The following FHIT variants were observed in gnomAD, a reference collection of about 807,000 sequenced individuals.
FHIT encodes the protein fragile histidine triad diadenosine triphosphatase, also known as bis(5'-adenosyl)-triphosphatase.
In FHIT, 19 loss-of-function variants were observed where a neutral mutation model predicts 17.9. The observed-to-expected ratio is 1.06, with a 90% CI of 0.74 to 1.56. The LOEUF is 1.56. Among genes scored for constraint, FHIT ranks in the 40% most tolerant of loss-of-function variants. The probability of loss-of-function intolerance (pLI) is 0.00; values close to 1 mark genes in which losing one functional copy is unlikely to be tolerated. For missense variants in FHIT, 248 were observed against 189.2 expected (o/e 1.31, Z -1.82); for synonymous variants, 81 against 69.7 (o/e 1.16, Z -0.81).
chr3:59,863,329 T>C (rs998074852), intron 8 of FHIT, among the ~76,000 whole-genome samples: 3 of 152,224 alleles, frequency 2.0e-5, no homozygotes, highest in South Asian at 2.1e-4. Context: ...CTCTAAATTA[T>C]TGGTGGTTTG....
At chr3:61,111,076 C>A (rs533353987) in intron 2 of FHIT, among the ~76,000 whole-genome samples, 2 of 152,282 alleles carry the variant, frequency 1.3e-5, no homozygotes, top group Non-Finnish European at 2.9e-5. Context: ...TACATTAGTG[C>A]AGAATAAGCT....
chr3:60,643,657 AC>A (rs1232392110), intron 4 of FHIT, among the ~76,000 whole-genome samples: 7 of 152,092 alleles, frequency 4.6e-5, no homozygotes, highest in Non-Finnish European at 8.8e-5. Flanking sequence ...ATATGTCAAA[AC>A]TTTCTCCAGC....
chr3:59,981,220 A>T (rs1335823008), intron 7 of FHIT, among the ~76,000 whole-genome samples: 1 of 152,176 alleles, frequency 6.6e-6, no homozygotes, highest in Non-Finnish European at 1.5e-5. Context: ...TATGCTTTAG[A>T]TTATTCCTGA....
At chr3:60,456,904 C>T (rs2032131179) in intron 5 of FHIT, among the ~76,000 whole-genome samples, 1 of 152,226 alleles carries the variant, frequency 6.6e-6, no homozygotes, top group Non-Finnish European at 1.5e-5. Context: ...AGGAGAACTA[C>T]AAACCACTGC....
chr3:60,593,295 A>T (rs570499127), intron 4 of FHIT, among the ~76,000 whole-genome samples: 2 of 152,324 alleles, frequency 1.3e-5, no homozygotes, highest in South Asian at 4.1e-4. Flanking sequence ...AAAAAGTATT[A>T]CTGTAGATTG....
chr3:60,501,385 T>C (rs1285128112), intron 5 of FHIT, among the ~76,000 whole-genome samples: 1 of 152,228 alleles, frequency 6.6e-6, no homozygotes, highest in East Asian at 1.9e-4. Context: ...TCCCCTGTAA[T>C]ACTCAGTTCT....
Position 60,843,586 on chromosome 3 carries a change from A to G in FHIT, c.-110-21575T>C, listed in dbSNP as rs1702815361. Among the ~76,000 whole-genome samples, 6 of 152,202 alleles carry G rather than the reference A, an allele frequency of 3.9e-5. No individual in the cohort carries two copies. The South Asian group carries it at 1.2e-3, about 31-fold the overall frequency. On this transcript the variant is annotated intron_variant, in intron 3 of 9. Transcript: ENST00000492590. ...TTGAAACTTTTGAGCATTTGCTCCC[A>G]AAGTGAAATTTAAAAGGCTAACAGC... is the stretch of plus-strand genomic sequence containing the variant.
At chr3:59,945,059 G>T (rs1706732206) in intron 7 of FHIT, among the ~76,000 whole-genome samples, 1 of 152,030 alleles carries the variant, frequency 6.6e-6, no homozygotes, top group South Asian at 2.1e-4. Flanking sequence ...GGGATTGCTG[G>T]GCTGAATAGT....
intron 5 of FHIT, among the ~76,000 whole-genome samples, chr3:60,319,448 G>A (rs62248497): frequency 2.9e-4 from 44 of 150,004 alleles, no homozygotes; most frequent in Admixed American, 1.1e-3. Context: ...ATGTTTTTAA[G>A]GGAAAAAAAA....
chr3:60,430,594 A>T (rs1225761608), intron 5 of FHIT, among the ~76,000 whole-genome samples: 2 of 151,936 alleles, frequency 1.3e-5, no homozygotes, highest in Non-Finnish European at 2.9e-5. Context: ...ATTCTCTTAT[A>T]TCATTCTCTC....
chr3:59,898,013 C>T (rs894004761), intron 8 of FHIT, among the ~76,000 whole-genome samples: 4 of 152,166 alleles, frequency 2.6e-5, no homozygotes, highest in Non-Finnish European at 4.4e-5. Context: ...GTGATCTGCC[C>T]GCCTTGGCCT....
At chr3:61,070,742 A>G (rs1347936694) in intron 2 of FHIT, among the ~76,000 whole-genome samples, 1 of 152,118 alleles carries the variant, frequency 6.6e-6, no homozygotes, top group Non-Finnish European at 1.5e-5. Flanking sequence ...ATTTTCTTTG[A>G]CATGCTATAT....
At chr3:60,477,079 T>C (rs1475509917) in intron 5 of FHIT, among the ~76,000 whole-genome samples, 2 of 152,020 alleles carry the variant, frequency 1.3e-5, no homozygotes, top group African/African-American at 4.8e-5. Flanking sequence ...TATTATAATA[T>C]CATATTCAAA....
chr3:59,836,923 TG>T (rs1701358981), intron 8 of FHIT, among the ~76,000 whole-genome samples: 1 of 152,216 alleles, frequency 6.6e-6, no homozygotes, highest in Non-Finnish European at 1.5e-5. Flanking sequence ...TACCTTCGCA[TG>T]GTAAGATTTG....
intron 4 of FHIT, among the ~76,000 whole-genome samples, chr3:60,801,178 GA>G (rs782211990): frequency 5.3e-5 from 8 of 152,186 alleles, no homozygotes; most frequent in Non-Finnish European, 7.4e-5. Context: ...AGGCATGGAA[GA>G]GATTATTTAT....
chr3:61,224,380 A>G (rs1225607498), intron 1 of FHIT, among the ~76,000 whole-genome samples: 5 of 152,208 alleles, frequency 3.3e-5, no homozygotes, highest in Non-Finnish European at 7.3e-5. Context: ...GACTAGACCC[A>G]AAATGGTAAC....
intron 7 of FHIT, among the ~76,000 whole-genome samples, chr3:59,979,056 G>A (rs867979905): frequency 6.6e-6 from 1 of 152,126 alleles, no homozygotes; most frequent in African/African-American, 2.4e-5. Context: ...CTGTGAAATT[G>A]TTAGGGTGCT....
At chr3:60,130,784 G>GTAAACACATATATATGTGTGTGT (rs148356992) in intron 5 of FHIT, among the ~76,000 whole-genome samples, 1 of 111,628 alleles carries the variant, frequency 9.0e-6, no homozygotes. Flanking sequence ...GTGTGTGTGT[G>GTAAACACATATATATGTGTGTGT]GTGTGTATAT....
At chr3:60,459,877 T>C (rs1304943031) in intron 5 of FHIT, among the ~76,000 whole-genome samples, 3 of 152,004 alleles carry the variant, frequency 2.0e-5, no homozygotes, top group East Asian at 1.9e-4. Context: ...TATATTGGGG[T>C]TGGGGAGGTG....
Sources: gnomAD v4.1 joint callset for allele counts (sites outside exome capture counted in the v4.1 genomes callset) on GRCh38, gnomAD v4.1.1 for gene constraint, MANE v1.5 for transcripts, NCBI Gene and HGNC (gene_info 2026-07-23, HGNC 2026-07-21) for gene names.